The following SPIDR variants were observed in gnomAD, a reference collection of about 807,000 sequenced individuals.
SPIDR encodes DNA repair-scaffolding protein.
A neutral mutation model predicts 104.6 loss-of-function variants in SPIDR; 93 were observed. The ratio of observed to expected loss-of-function variants is 0.89; its 90% confidence interval spans 0.75 to 1.06. SPIDR has a LOEUF of 1.06. Ranked by LOEUF, SPIDR falls within the 50% of genes least tolerant of loss-of-function variation. The pLI, the probability that SPIDR is intolerant of heterozygous loss-of-function variation, is 0.00. For synonymous variants in SPIDR, 431 were observed against 416.9 expected, an observed-to-expected ratio of 1.03 and a Z score of -0.41; for missense variants, 1,154 against 1,111.2, an observed-to-expected ratio of 1.04 and a Z score of -0.55.
At chr8:47,680,003 A>G (rs564872018) in intron 11 of SPIDR, among the ~76,000 whole-genome samples, 1 of 152,154 alleles carries the variant, frequency 6.6e-6, no homozygotes, top group Non-Finnish European at 1.5e-5. Flanking sequence ...TTGGAGCTCA[A>G]TTTTAGCAGT....
rs966668166 is a variant in SPIDR at position 47,638,855 on chromosome 8, T to C, written c.1545-34946T>C. On this transcript the variant is annotated intron_variant, in intron 10 of 19. Coordinates refer to ENST00000297423, the MANE Select transcript of SPIDR (RefSeq NM_001080394.4). ...AGGCTTCTTAACTACATGCCAGCAT[T>C]ATCACATACTCTAAATCATTTCAGG... Among the ~76,000 whole-genome samples, 6 of 152,328 alleles carry C rather than the reference T, an allele frequency of 3.9e-5. No individual in the cohort carries two copies. The East Asian group carries it at 1.2e-3, about 29-fold the overall frequency.
intron 8 of SPIDR, among the ~76,000 whole-genome samples, chr8:47,487,704 C>T (rs1431596265): frequency 9.2e-5 from 14 of 152,212 alleles, no homozygotes; most frequent in African/African-American, 3.4e-4. Flanking sequence ...AAGAAACTCA[C>T]TCAAAACCAC....
intron 10 of SPIDR, among the ~76,000 whole-genome samples, chr8:47,638,900 T>G (rs2068391660): frequency 6.6e-6 from 1 of 152,186 alleles, no homozygotes; most frequent in Non-Finnish European, 1.5e-5. Flanking sequence ...GCATGAACGG[T>G]TCCTATTCAA....
intron 5 of SPIDR, among the ~76,000 whole-genome samples, chr8:47,299,723 C>G (rs1173878447): frequency 6.6e-6 from 1 of 152,106 alleles, no homozygotes; most frequent in Non-Finnish European, 1.5e-5. Flanking sequence ...TGGTTTTACT[C>G]GTTGGTTCTG....
intron 7 of SPIDR, among the ~76,000 whole-genome samples, chr8:47,430,032 A>G (rs897673971): frequency 6.6e-6 from 1 of 152,004 alleles, no homozygotes; most frequent in Non-Finnish European, 1.5e-5. Context: ...CCCATGTGAA[A>G]GTCTCTCTCA....
chr8:47,635,707 A>G (rs2067804619), intron 10 of SPIDR, among the ~76,000 whole-genome samples: 1 of 152,116 alleles, frequency 6.6e-6, no homozygotes, highest in Non-Finnish European at 1.5e-5. Flanking sequence ...AGCTGGGGCA[A>G]CATAGCAAGA....
intron 5 of SPIDR, among the ~76,000 whole-genome samples, chr8:47,299,139 G>A (rs2041517859): frequency 6.6e-6 from 1 of 152,254 alleles, no homozygotes; most frequent in African/African-American, 2.4e-5. Flanking sequence ...TTGAGCAGTG[G>A]TTTGTAGTTC....
chr8:47,466,887 G>GAA lies in SPIDR; in HGVS notation c.1097+26358_1097+26359dup, dbSNP rs148299700. Among the ~76,000 whole-genome samples, 214 of 48,916 alleles carry GAA rather than the reference G, an allele frequency of 4.4e-3. 3 individuals are homozygous for GAA. Among genetic ancestry groups the GAA allele is most frequent in the Non-Finnish European group, 5.1e-3 (118 of 23,206 alleles). The allele number at this position is 48,916 out of a possible 152,430, so 32.1% of individuals were successfully genotyped here. ...AAAGATCTAGGAGTTAGTTTTTTTTGAAAAAAAAAAAAAATATATATATAT... is the reference window on the plus strand; with the variant it reads ...AAAGATCTAGGAGTTAGTTTTTTTTGAAAAAAAAAAAAAAAATATATATATAT... On this transcript the variant is annotated intron_variant, in intron 8 of 19. Coordinates refer to ENST00000297423, the MANE Select transcript of SPIDR (RefSeq NM_001080394.4).
intron 16 of SPIDR, among the ~76,000 whole-genome samples, chr8:47,723,945 T>A (rs1351936126): frequency 6.6e-6 from 1 of 151,534 alleles, no homozygotes; most frequent in Non-Finnish European, 1.5e-5. Flanking sequence ...AATCATTGAT[T>A]ACATTATCAT....
intron 8 of SPIDR, among the ~76,000 whole-genome samples, chr8:47,530,403 C>A (rs1316609988): frequency 6.6e-6 from 1 of 152,052 alleles, no homozygotes; most frequent in Non-Finnish European, 1.5e-5. Context: ...GAGATCGGGC[C>A]TGTGCACTCC....
At chr8:47,273,649 A>G (rs2035785986) in intron 1 of SPIDR, among the ~76,000 whole-genome samples, 1 of 150,736 alleles carries the variant, frequency 6.6e-6, no homozygotes, top group Non-Finnish European at 1.5e-5. Context: ...GCTGGAGTGC[A>G]GTAGCTTGAC....
intron 8 of SPIDR, among the ~76,000 whole-genome samples, chr8:47,573,861 G>C (rs748586828): frequency 1.5e-4 from 23 of 152,352 alleles, no homozygotes; most frequent in Middle Eastern, 3.4e-3. Context: ...TGGTTGCTAT[G>C]TGACATTCTG....
At chr8:47,663,125 A>G (rs1469944594) in intron 10 of SPIDR, among the ~76,000 whole-genome samples, 2 of 152,196 alleles carry the variant, frequency 1.3e-5, no homozygotes, top group Non-Finnish European at 2.9e-5. Context: ...AGGGTTTCAT[A>G]CATGCTATGC....
intron 5 of SPIDR, among the ~76,000 whole-genome samples, chr8:47,389,253 G>C (rs893491891): frequency 1.3e-5 from 2 of 152,140 alleles, no homozygotes; most frequent in African/African-American, 4.8e-5. Flanking sequence ...AGTTTCAAGA[G>C]GGCATCAGTT....
chr8:47,266,331 G>A (rs561231627), intron 1 of SPIDR, among the ~76,000 whole-genome samples: 1 of 151,922 alleles, frequency 6.6e-6, no homozygotes, highest in Non-Finnish European at 1.5e-5. Flanking sequence ...GGGTTTCACC[G>A]TGTTGCCCAG....
chr8:47,509,590 A>G (rs560181409), intron 8 of SPIDR, among the ~76,000 whole-genome samples: 5 of 152,306 alleles, frequency 3.3e-5, no homozygotes, highest in Admixed American at 3.3e-4. Flanking sequence ...CTAGTAACAT[A>G]TTACAACATC....
At chr8:47,524,693 TC>T (rs970942852) in intron 8 of SPIDR, among the ~76,000 whole-genome samples, 1 of 152,246 alleles carries the variant, frequency 6.6e-6, no homozygotes, top group African/African-American at 2.4e-5. Flanking sequence ...ATTAAGTTAT[TC>T]AAGTGACCCA....
intron 10 of SPIDR, among the ~76,000 whole-genome samples, chr8:47,649,665 A>G (rs1163177372): frequency 6.6e-6 from 1 of 152,180 alleles, no homozygotes; most frequent in Non-Finnish European, 1.5e-5. Context: ...AAAAACACAC[A>G]AAAGTATTTG....
chr8:47,598,731 C>G (rs2061906407), intron 9 of SPIDR, among the ~76,000 whole-genome samples: 1 of 152,168 alleles, frequency 6.6e-6, no homozygotes, highest in Non-Finnish European at 1.5e-5. Flanking sequence ...TGTTCTTTCA[C>G]TCGCCTTCAG....
Sources: gnomAD v4.1 joint callset for allele counts (sites outside exome capture counted in the v4.1 genomes callset) on GRCh38, gnomAD v4.1.1 for gene constraint, MANE v1.5 for transcripts, NCBI Gene and HGNC (gene_info 2026-07-23, HGNC 2026-07-21) for gene names.